Variants in PDE4D observed in about 807,000 individuals in gnomAD.
The protein encoded by PDE4D is phosphodiesterase 4D, also known as 3',5'-cyclic-AMP phosphodiesterase 4D.
PDE4D carries 24 observed loss-of-function variants against 87.4 expected under a neutral mutation model. The observed-to-expected ratio is 0.27, with a 90% CI of 0.20 to 0.39. The LOEUF (loss-of-function observed/expected upper bound fraction) is 0.39. PDE4D is among the 10% of genes least tolerant of loss of function. The probability of loss-of-function intolerance (pLI) is 1.00; values close to 1 mark genes in which losing one functional copy is unlikely to be tolerated. For missense variants in PDE4D, 714 were observed against 1,041.0 expected, an observed-to-expected ratio of 0.69 and a Z score of 4.32; for synonymous variants, 384 against 383.2, an observed-to-expected ratio of 1.00 and a Z score of -0.02.
chr5:59,788,605 A>G (rs1176170372), intron 1 of PDE4D, among the ~76,000 whole-genome samples: 1 of 152,214 alleles, frequency 6.6e-6, no homozygotes, highest in Non-Finnish European at 1.5e-5. Context: ...GAGACCTAAT[A>G]AGCCTTGGGG....
At chr5:59,616,173 T>C (rs941695588) in intron 1 of PDE4D, among the ~76,000 whole-genome samples, 1 of 151,678 alleles carries the variant, frequency 6.6e-6, no homozygotes. Flanking sequence ...CCTGTGTCCA[T>C]GTGTCTTAGT....
At chr5:59,805,407 TC>T (rs1264798951) in intron 1 of PDE4D, among the ~76,000 whole-genome samples, 6 of 152,186 alleles carry the variant, frequency 3.9e-5, no homozygotes, top group Non-Finnish European at 8.8e-5. Flanking sequence ...ATCTACAAAG[TC>T]CCCTTCTAGT....
chr5:60,432,743 T>C (rs1466671506), intron 1 of PDE4D, among the ~76,000 whole-genome samples: 4 of 152,088 alleles, frequency 2.6e-5, no homozygotes, highest in Non-Finnish European at 5.9e-5. Context: ...CATAGACCAC[T>C]GGAACAGAAT....
At chr5:60,108,447 A>C (rs952934736) in intron 2 of PDE4D, among the ~76,000 whole-genome samples, 2 of 152,220 alleles carry the variant, frequency 1.3e-5, no homozygotes, top group East Asian at 1.9e-4. Context: ...AGGTAATTTA[A>C]AGATTCAATG....
At chr5:60,085,566 C>T (rs945971284) in intron 2 of PDE4D, among the ~76,000 whole-genome samples, 1 of 152,070 alleles carries the variant, frequency 6.6e-6, no homozygotes, top group Non-Finnish European at 1.5e-5. Context: ...GTTGTGCCTC[C>T]GTCTTTTTTT....
chr5:59,448,879 C>T (rs369840844), intron 1 of PDE4D, among the ~76,000 whole-genome samples: 2 of 152,192 alleles, frequency 1.3e-5, no homozygotes, highest in African/African-American at 4.8e-5. Flanking sequence ...AAGTGATCCT[C>T]CCGCCTTGGC....
In PDE4D at chr5:59,400,736, TAA is replaced by T. The variant is rs745920841; in HGVS notation, c.456-184770_456-184769del. ...TACCCTAAAACTTAAAGTATAATAA[TAA>T]AAAAAATAAAAAAATAAATCTTTAC... On this transcript the variant is annotated intron_variant, in intron 1 of 14. Transcript: ENST00000340635. Among the ~76,000 whole-genome samples, 345 of 122,940 alleles carry T rather than the reference TAA, an allele frequency of 2.8e-3. 2 individuals are homozygous for T. The highest frequency in any genetic ancestry group is 3.7e-3 in the Non-Finnish European group (213 of 56,838). 80.7% of individuals were successfully genotyped at this position (122,940 alleles called of 152,430 possible). A position where few individuals can be genotyped will look rare whatever the true frequency, so the allele number is the denominator to read the frequency against.
At chr5:59,089,274 G>C (rs906203712) in intron 5 of PDE4D, among the ~76,000 whole-genome samples, 3 of 139,130 alleles carry the variant, frequency 2.2e-5, no homozygotes, top group Non-Finnish European at 4.6e-5. Flanking sequence ...TCAGTAGCTT[G>C]GCTCTGACTA....
At chr5:59,928,268 T>G (rs1279605634) in intron 3 of PDE4D, among the ~76,000 whole-genome samples, 2 of 152,108 alleles carry the variant, frequency 1.3e-5, no homozygotes, top group African/African-American at 4.8e-5. Context: ...CAGAATCTGA[T>G]GGAGAGGGAG....
chr5:60,483,181 C>A (rs1294619345), intron 1 of PDE4D, among the ~76,000 whole-genome samples: 1 of 152,034 alleles, frequency 6.6e-6, no homozygotes, highest in East Asian at 1.9e-4. Flanking sequence ...GGGTGGGGGA[C>A]AGAGTTTCAC....
chr5:60,343,968 C>CTT (rs11326205), intron 1 of PDE4D, among the ~76,000 whole-genome samples: 5 of 141,630 alleles, frequency 3.5e-5, no homozygotes, highest in Non-Finnish European at 6.2e-5. Flanking sequence ...GATGACTCAT[C>CTT]TTTTTTTTTT....
chr5:59,126,108 AGAGAGAGAGAG>A (rs1185033501), intron 5 of PDE4D, among the ~76,000 whole-genome samples: 2 of 108,202 alleles, frequency 1.8e-5, no homozygotes, highest in Admixed American at 9.3e-5. Context: ...AAAAAAAAAA[AGAGAGAGAGAG>A]AGAGAGAGAG....
chr5:59,231,739 G>C (rs1199077589), intron 1 of PDE4D, among the ~76,000 whole-genome samples: 2 of 152,174 alleles, frequency 1.3e-5, no homozygotes, highest in Non-Finnish European at 2.9e-5. Flanking sequence ...TCTGGCCCAA[G>C]TGAAACCATC....
chr5:60,122,599 G>T (rs1778788387), intron 2 of PDE4D, among the ~76,000 whole-genome samples: 1 of 152,172 alleles, frequency 6.6e-6, no homozygotes. Context: ...TCACTAGACT[G>T]CACACAGCAC....
intron 1 of PDE4D, among the ~76,000 whole-genome samples, chr5:59,636,444 AAAAC>A (rs944642243): frequency 6.6e-6 from 1 of 152,060 alleles, no homozygotes; most frequent in East Asian, 1.9e-4. Context: ...AGCAAAAGAA[AAAAC>A]AAACAAACAA....
chr5:59,359,801 A>C (rs2153592048), intron 1 of PDE4D, among the ~76,000 whole-genome samples: 1 of 152,294 alleles, frequency 6.6e-6, no homozygotes, highest in East Asian at 1.9e-4. Context: ...AGCATGATTC[A>C]ATAGCAAGGA....
At chr5:59,586,813 A>C in intron 1 of PDE4D, 1 of 985,424 alleles carries the variant, frequency 1.0e-6, no homozygotes, top group Non-Finnish European at 1.2e-6. Flanking sequence ...GAAGTGTTAG[A>C]AGGGAAATGG....
intron 1 of PDE4D, among the ~76,000 whole-genome samples, chr5:59,752,466 C>A (rs748861080): frequency 2.0e-5 from 3 of 152,108 alleles, no homozygotes; most frequent in Non-Finnish European, 4.4e-5. Context: ...GCAATAGATT[C>A]CTGAACCTCT....
chr5:60,058,535 A>G (rs1664421385), intron 2 of PDE4D, among the ~76,000 whole-genome samples: 1 of 152,044 alleles, frequency 6.6e-6, no homozygotes, highest in Non-Finnish European at 1.5e-5. Flanking sequence ...TGAAAGTAAT[A>G]TCTCCAGAAA....
Sources: gnomAD v4.1 joint callset for allele counts (sites outside exome capture counted in the v4.1 genomes callset) on GRCh38, gnomAD v4.1.1 for gene constraint, MANE v1.5 for transcripts, NCBI Gene and HGNC (gene_info 2026-07-23, HGNC 2026-07-21) for gene names.